Variants in MYH7 observed in about 807,000 individuals in gnomAD.
The protein encoded by MYH7 is myosin-7.
A neutral mutation model predicts 225.4 loss-of-function variants in MYH7; 129 were observed. The ratio of observed to expected loss-of-function variants is 0.57; its 90% CI spans 0.50 to 0.66. The LOEUF (loss-of-function observed/expected upper bound fraction) is 0.66, where lower values mean the gene tolerates loss of function less well. MYH7 is among the 30% of genes least tolerant of loss of function. The pLI, the probability that MYH7 is intolerant of heterozygous loss-of-function variation, is 0.00. For synonymous variants in MYH7, 971 were observed against 1,007.6 expected (o/e 0.96, Z 0.69); for missense variants, 1,649 against 2,517.0 (o/e 0.66, Z 7.38).
chr14:23,431,735 A>C, intron 7 of MYH7, 26 bp downstream of exon 7: 2 of 1,614,170 alleles, frequency 1.2e-6, no homozygotes, highest in Non-Finnish European at 1.7e-6. Context: ...TCTGCGGTAC[A>C]GGACCTTGGA....
At chr14:23,429,427 G>A (rs971549946) in intron 12 of MYH7, 80 bp from the exon 13 acceptor site, 24 of 1,411,824 alleles carry the variant, frequency 1.7e-5, no homozygotes, top group Non-Finnish European at 2.1e-5. Flanking sequence ...TGTAATCCCA[G>A]CACTTTGGGA....
At chr14:23,428,371 A>T in intron 15 of MYH7, 129 bp downstream of exon 15, 2 of 1,468,408 alleles carry the variant, frequency 1.4e-6, no homozygotes, top group South Asian at 2.4e-5. Flanking sequence ...AGGCTCTGGA[A>T]CCAAGGGCTC....
Position 23,432,478 on chromosome 14 carries a change from C to T in MYH7, c.530+1G>A, listed in dbSNP as rs112447523. On this transcript the variant is annotated splice_donor_variant, in intron 6 of 39. Transcript: ENST00000355349. LOFTEE classifies it high-confidence loss of function. ...GGGAATACAGTAGCAGCTACACTCA[C>T]GTGATCAGGATGGACTGGTTTTCTC... The T allele has an allele frequency of 5.0e-6, 8 of 1,613,880 alleles. No homozygotes were observed. Among genetic ancestry groups the T allele is most frequent in the Non-Finnish European group, 6.8e-6 (8 of 1,180,010 alleles).
chr14:23,416,368 T>G, intron 33 of MYH7, 56 bp from the exon 34 acceptor site: 1 of 1,558,238 alleles, frequency 6.4e-7, no homozygotes. Flanking sequence ...CAGGGCAGGG[T>G]GGGGGCCTGC....
chr14:23,424,717 G>T, intron 22 of MYH7, 52 bp downstream of exon 22: 1 of 1,611,358 alleles, frequency 6.2e-7, no homozygotes, highest in East Asian at 2.2e-5. Context: ...AGGGTTGTGG[G>T]AAGTGAAGGC....
intron 10 of MYH7, 98 bp from the exon 11 acceptor site, chr14:23,430,761 G>T: frequency 1.5e-6 from 2 of 1,307,972 alleles, no homozygotes; most frequent in South Asian, 2.4e-5. Context: ...ACAGGACAGG[G>T]CTTGGCTTGG....
At chr14:23,423,276 A>G (rs1226579585) in intron 24 of MYH7, among the ~76,000 whole-genome samples, 1 of 152,180 alleles carries the variant, frequency 6.6e-6, no homozygotes, top group Non-Finnish European at 1.5e-5. Context: ...ACTTAAATTA[A>G]ATAAGAAAAC....
At position 23,425,440 on chromosome 14, in the gene MYH7, G is replaced by A. The variant is rs775934472; in HGVS notation, c.2287-22C>T. ...ACACCTGCAGGCAAGGTGTGTGTTG[G>A]CCATGACTAGGGAGGGGTACGAGGG... On this transcript the variant is annotated intron_variant, in intron 20 of 39. Coordinates refer to ENST00000355349, the MANE Select transcript of MYH7 (RefSeq NM_000257.4). This position sits in a 1 kb window ranked among gnomAD's most constrained non-coding sequence, Gnocchi z 4.6. 6.2e-7 allele frequency: 1 copy of A among 1,614,058 alleles called. No homozygotes were observed. Among genetic ancestry groups the A allele is most frequent in the South Asian group, 1.1e-5 (1 of 91,080 alleles).
chr14:23,429,126 C>T (rs776973462), intron 13 of MYH7, 22 bp from the exon 14 acceptor site: 1 of 1,614,232 alleles, frequency 6.2e-7, no homozygotes, highest in Non-Finnish European at 8.5e-7. Flanking sequence ...AGGAGAGACC[C>T]ATATTGAGCA....
Position 23,412,835 on chromosome 14 carries a change from A to G in MYH7, c.*19T>C. On this transcript the variant is annotated 3_prime_UTR_variant, in exon 40 of 40. Transcript: ENST00000355349. ...TTTGCTGGCACCTCCAGGGCTGAGC[A>G]GATCAAGATGTGGCAAAGCTACTCC... 6.2e-7 allele frequency: 1 copy of G among 1,614,064 alleles called. No individual in the cohort carries two copies. Among genetic ancestry groups the G allele is most frequent in the Non-Finnish European group, 8.5e-7 (1 of 1,179,930 alleles).
At position 23,416,064 on chromosome 14, in the gene MYH7, G is replaced by A. The variant is rs369164804; in HGVS notation, c.4893C>T (p.His1631=). 3.8e-5 allele frequency: 61 copies of A among 1,614,208 alleles called. No individual in the cohort carries two copies. Among genetic ancestry groups the A allele is most frequent in the Middle Eastern group, 3.3e-4 (2 of 6,058 alleles). ...GGGCCTCGGCGGCCATGCGGTTGGC[G>A]TGGCTGAGCTGGATCTCCATCTCAT... ...DLNEMEIQLS[H]ANRMAAEAQK... The change falls in exon 34 of 40, where the codon CAC becomes CAT. Residue 1631 remains histidine, a synonymous_variant. Transcript: ENST00000355349.
intron 30 of MYH7, 176 bp from the exon 31 acceptor site, chr14:23,417,862 G>GGA: frequency 1.0e-6 from 1 of 994,684 alleles, no homozygotes; most frequent in Non-Finnish European, 1.6e-6. Flanking sequence ...AGCAGGGCGT[G>GGA]GAGACCCAGG....
chr14:23,428,431 T>C, intron 15 of MYH7, 69 bp downstream of exon 15: 5 of 1,606,946 alleles, frequency 3.1e-6, no homozygotes, highest in Non-Finnish European at 4.3e-6. Context: ...GGAGAGGGGC[T>C]GCTATTTTGT....
In MYH7 at chr14:23,425,568, G is replaced by A. The variant is rs901963590; in HGVS notation, c.2286+127C>T. On this transcript the variant is annotated intron_variant, in intron 20 of 39. Coordinates refer to ENST00000355349, the MANE Select transcript of MYH7 (RefSeq NM_000257.4). This position sits in a 1 kb window ranked among gnomAD's most constrained non-coding sequence, Gnocchi z 4.6. ...AGCTGGGATGAGGGGAGTGGTGCTA[G>A]ATGTTCCACTGGGAGGGGTAGCATA... is the stretch of plus-strand genomic sequence containing the variant. 1.3e-6 allele frequency: 2 copies of A among 1,575,676 alleles called. No individual in the cohort carries two copies. The highest frequency in any genetic ancestry group is 2.7e-5 in the African/African-American group (2 of 74,232).
In MYH7 at chr14:23,414,166, G is replaced by A. The variant is rs917531275; in HGVS notation, c.5560-64C>T. 174 of 1,406,222 alleles carry A rather than the reference G, an allele frequency of 1.2e-4. 1 individual carries two copies. The highest frequency in any genetic ancestry group is 3.2e-4 in the Admixed American group (19 of 58,696). 87.1% of individuals were successfully genotyped at this position (1,406,222 alleles called of 1,614,324 possible). A position where few individuals can be genotyped will look rare whatever the true frequency, so the allele number is the denominator to read the frequency against. The stretch of plus-strand genomic sequence containing the variant: ...AGTCATAGAAGGTAGCATCCCCTCC[G>A]CCCTGCCCTGCTTCATCTGATATCC... On this transcript the variant is annotated intron_variant, in intron 37 of 39. Transcript: ENST00000355349.
chr14:23,413,978 T>C, intron 38 of MYH7, 29 bp downstream of exon 38: 1 of 1,614,124 alleles, frequency 6.2e-7, no homozygotes, highest in African/African-American at 1.3e-5. Context: ...ATGCCTCCCC[T>C]GGGCCTAGTC....
At position 23,414,117 on chromosome 14, in the gene MYH7, G is replaced by T. The variant is rs1369339329; in HGVS notation, c.5560-15C>A. ...TCCTCCTCCGTCTGGGGGCCAGAGG[G>T]TAGGCAGGGGGTGAAGATGGCACAG... On this transcript the variant is annotated splice_polypyrimidine_tract_variant and intron_variant, in intron 37 of 39. Coordinates refer to ENST00000355349, the MANE Select transcript of MYH7 (RefSeq NM_000257.4). The T allele has an allele frequency of 6.2e-7, 1 of 1,608,768 alleles. No homozygotes were observed. Among genetic ancestry groups the T allele is most frequent in the Non-Finnish European group, 8.5e-7 (1 of 1,179,074 alleles).
chr14:23,428,359 A>G (rs1029560176), intron 15 of MYH7, 141 bp downstream of exon 15: 4 of 1,394,108 alleles, frequency 2.9e-6, no homozygotes, highest in Admixed American at 1.9e-5. Flanking sequence ...TCAGCACAAC[A>G]TAGGCTCTGG....
At position 23,419,875 on chromosome 14, in the gene MYH7, GGTGAC is replaced by G; in HGVS notation, c.3691_3695del (p.Val1231LeufsTer12). 6.2e-7 allele frequency: 1 copy of G among 1,613,664 alleles called. No individual in the cohort carries two copies. The highest frequency in any genetic ancestry group is 8.5e-7 in the Non-Finnish European group (1 of 1,179,834). ...CCTTGATGATCTGCTCCATGTTGGA[GGTGAC>G]GTCATCCAGCTCCAGCTTGAACTCG... On this transcript the variant is annotated frameshift_variant, in exon 27 of 40. Coordinates refer to ENST00000355349, the MANE Select transcript of MYH7 (RefSeq NM_000257.4). LOFTEE classifies it high-confidence loss of function.
Sources: gnomAD v4.1 joint callset for allele counts (sites outside exome capture counted in the v4.1 genomes callset) on GRCh38, gnomAD v4.1.1 for gene constraint, Gnocchi (gnomAD v3.1) non-coding constraint, MANE v1.5 for transcripts, NCBI Gene and HGNC (gene_info 2026-07-23, HGNC 2026-07-21) for gene names.